DLG2: variants seen among roughly 807,000 people sequenced by gnomAD.
DLG2 encodes discs large MAGUK scaffold protein 2.
Under a neutral mutation model 132.5 loss-of-function variants are expected in DLG2, and 45 were observed. That is an observed-to-expected ratio of 0.34 (90% CI 0.27 to 0.44). The LOEUF is 0.44. Among genes scored for constraint, DLG2 ranks in the 20% least tolerant of loss-of-function variants. The pLI is 1.00. For synonymous variants in DLG2, 424 were observed against 419.6 expected, an observed-to-expected ratio of 1.01 and a Z score of -0.13; for missense variants, 1,045 against 1,196.9, an observed-to-expected ratio of 0.87 and a Z score of 1.87.
intron 26 of DLG2, among the ~76,000 whole-genome samples, chr11:83,464,269 C>G (rs1027330745): frequency 6.6e-6 from 1 of 152,144 alleles, no homozygotes; most frequent in African/African-American, 2.4e-5. Flanking sequence ...GAAGAGTCAG[C>G]TATGTATGTG....
chr11:83,617,509 T>C (rs1459854013), intron 19 of DLG2, among the ~76,000 whole-genome samples: 2 of 152,240 alleles, frequency 1.3e-5, no homozygotes, highest in Non-Finnish European at 2.9e-5. Context: ...AGTTACTTTT[T>C]AATTATAGCA....
chr11:84,571,939 CT>C (rs1159732000), intron 6 of DLG2, among the ~76,000 whole-genome samples: 1 of 152,068 alleles, frequency 6.6e-6, no homozygotes, highest in Non-Finnish European at 1.5e-5. Context: ...ACTTCTTTTG[CT>C]TCTTGTCAGT....
chr11:83,937,624 C>A (rs562773051), intron 14 of DLG2, among the ~76,000 whole-genome samples: 1 of 151,358 alleles, frequency 6.6e-6, no homozygotes, highest in Non-Finnish European at 1.5e-5. Flanking sequence ...GATGCTCCTA[C>A]AACTCAATAA....
intron 6 of DLG2, among the ~76,000 whole-genome samples, chr11:84,564,458 A>G (rs959101664): frequency 6.6e-6 from 1 of 152,150 alleles, no homozygotes; most frequent in Non-Finnish European, 1.5e-5. Context: ...CTATTCCCTT[A>G]TTGGGTGAGA....
intron 6 of DLG2, among the ~76,000 whole-genome samples, chr11:85,006,720 C>G (rs910460330): frequency 1.3e-5 from 2 of 151,736 alleles, no homozygotes; most frequent in African/African-American, 2.4e-5. Context: ...TTTCTTGTCT[C>G]TATCTCCTTC....
chr11:84,393,173 C>T (rs987849497), intron 7 of DLG2, among the ~76,000 whole-genome samples: 3 of 152,058 alleles, frequency 2.0e-5, no homozygotes, highest in Non-Finnish European at 4.4e-5. Flanking sequence ...TATCTTTCAC[C>T]ATTGATCTCC....
Position 83,883,049 on chromosome 11 carries a change from T to G in DLG2, c.1497-8561A>C, listed in dbSNP as rs189540112. 1.7e-3 allele frequency among the ~76,000 whole-genome samples: 258 copies of G among 152,270 alleles called. 2 individuals are homozygous for G. The highest frequency in any genetic ancestry group is 5.8e-3 in the African/African-American group (242 of 41,562). On this transcript the variant is annotated intron_variant, in intron 15 of 27. Transcript: ENST00000376104. ...AGCCCAAACACTGGCCAATCAAGCA[T>G]GTTTGTCCCAGCATGCTTGATTTCT... is the stretch of plus-strand genomic sequence containing the variant.
intron 15 of DLG2, among the ~76,000 whole-genome samples, chr11:83,899,792 G>C (rs10751100): frequency 0.27 from 40,512 of 152,064 alleles, 5,629 homozygotes; most frequent in East Asian, 0.48. Context: ...CAGCAAATTG[G>C]TAAGATTAGA....
intron 8 of DLG2, among the ~76,000 whole-genome samples, chr11:84,239,243 T>C (rs1201191078): frequency 1.3e-5 from 2 of 151,346 alleles, no homozygotes; most frequent in African/African-American, 4.9e-5. Context: ...TGTAGGGGTG[T>C]GATCTCGGCT....
chr11:83,568,079 T>C (rs2096738598), intron 19 of DLG2, among the ~76,000 whole-genome samples: 3 of 152,106 alleles, frequency 2.0e-5, no homozygotes, highest in Admixed American at 1.3e-4. Context: ...GACTGCAGTA[T>C]GATTGGCTTG....
chr11:85,080,190 A>C (rs2067062191), intron 6 of DLG2, among the ~76,000 whole-genome samples: 1 of 152,040 alleles, frequency 6.6e-6, no homozygotes, highest in Admixed American at 6.6e-5. Flanking sequence ...TTATATTTTT[A>C]GTAGTGGGGT....
At chr11:84,426,802 G>T (rs1035725312) in intron 7 of DLG2, among the ~76,000 whole-genome samples, 1 of 152,114 alleles carries the variant, frequency 6.6e-6, no homozygotes, top group South Asian at 2.1e-4. Flanking sequence ...CAAAGGAGAA[G>T]TGATATGTCT....
At position 83,771,377 on chromosome 11, in the gene DLG2, G is replaced by C. The variant is rs549569377; in HGVS notation, c.1825+15313C>G. Among the ~76,000 whole-genome samples, 9 of 152,146 alleles carry C rather than the reference G, an allele frequency of 5.9e-5. No homozygotes were observed. The South Asian group carries it at 1.9e-3, about 32-fold the overall frequency. ...AAATATTTCTTTTTCTTTTTTGTAG[G>C]AAATTCAAGTGTTTAAAAGAAAATA... On this transcript the variant is annotated intron_variant, in intron 18 of 27. Coordinates refer to ENST00000376104, the MANE Select transcript of DLG2 (RefSeq NM_001142699.3).
At chr11:83,959,191 C>A (rs1193197946) in intron 14 of DLG2, among the ~76,000 whole-genome samples, 1 of 152,054 alleles carries the variant, frequency 6.6e-6, no homozygotes, top group African/African-American at 2.4e-5. Context: ...CCAGTTTATG[C>A]AGGTGTACAT....
In DLG2 at chr11:85,456,593, C is replaced by T. The variant is rs547974799; in HGVS notation, c.40+142064G>A. Reference sequence around the variant, plus strand: ...ATTTTAGATCTTTCAAGCCTTTCGACGTGGGCATTTAGTGCTATAAACTTC... The same window carrying T: ...ATTTTAGATCTTTCAAGCCTTTCGATGTGGGCATTTAGTGCTATAAACTTC... On this transcript the variant is annotated intron_variant, in intron 3 of 27. Coordinates refer to ENST00000376104, the MANE Select transcript of DLG2 (RefSeq NM_001142699.3). 4.6e-5 allele frequency among the ~76,000 whole-genome samples: 7 copies of T among 152,148 alleles called. 1 individual carries two copies. In the South Asian group the frequency reaches 8.3e-4, roughly 18 times the overall value.
chr11:85,044,396 T>G (rs2062131122), intron 6 of DLG2, among the ~76,000 whole-genome samples: 1 of 152,010 alleles, frequency 6.6e-6, no homozygotes, highest in African/African-American at 2.4e-5. Context: ...TGTTGTGTGT[T>G]TATAAATGTT....
intron 6 of DLG2, among the ~76,000 whole-genome samples, chr11:84,607,281 C>T (rs2099587533): frequency 6.6e-6 from 1 of 152,166 alleles, no homozygotes; most frequent in African/African-American, 2.4e-5. Flanking sequence ...ATTCTCTCCA[C>T]TTGAGAGTCA....
In DLG2 at chr11:83,698,332, G is replaced by A. The variant is rs74744733; in HGVS notation, c.1826-65007C>T. Among the ~76,000 whole-genome samples, 241 of 152,312 alleles carry A rather than the reference G, an allele frequency of 1.6e-3. 1 individual carries two copies. The highest frequency in any genetic ancestry group is 5.5e-3 in the African/African-American group (229 of 41,566). ...TAGGTTTGCAGAAATGGCAGTGGGT[G>A]TTTCATTTTCATATAATTATAATGT... On this transcript the variant is annotated intron_variant, in intron 18 of 27. Coordinates refer to ENST00000376104, the MANE Select transcript of DLG2 (RefSeq NM_001142699.3).
intron 3 of DLG2, among the ~76,000 whole-genome samples, chr11:85,428,289 A>C (rs547370732): frequency 6.6e-6 from 1 of 152,116 alleles, no homozygotes; most frequent in African/African-American, 2.4e-5. Flanking sequence ...AATAGACATC[A>C]ACAGAACTCT....
Sources: allele counts gnomAD v4.1 joint callset (sites outside exome capture counted in the v4.1 genomes callset), GRCh38; gene constraint gnomAD v4.1.1; transcripts MANE v1.5; gene names NCBI Gene and HGNC (gene_info 2026-07-23, HGNC 2026-07-21).